The following STIMATE variants were observed in gnomAD, a reference collection of about 807,000 sequenced individuals.
The protein encoded by STIMATE is store-operated calcium entry regulator STIMATE.
A neutral mutation model predicts 36.7 loss-of-function variants in STIMATE; 15 were observed. That is an observed-to-expected ratio of 0.41 (90% confidence interval 0.27 to 0.63). The LOEUF is 0.63. Ranked by LOEUF, STIMATE falls within the 20% of genes least tolerant of loss-of-function variation. The pLI is 0.32. For missense variants in STIMATE, 305 were observed against 397.3 expected, an observed-to-expected ratio of 0.77 and a Z score of 1.98; for synonymous variants, 163 against 162.3, an observed-to-expected ratio of 1.00 and a Z score of -0.03.
intron 1 of STIMATE, among the ~76,000 whole-genome samples, chr3:52,889,412 T>C (rs1387565617): frequency 6.6e-6 from 1 of 152,180 alleles, no homozygotes; most frequent in East Asian, 1.9e-4. Context: ...CTGTGTGGAC[T>C]ATGGCAGACA....
intron 1 of STIMATE, among the ~76,000 whole-genome samples, chr3:52,865,764 GTC>G (rs1184690340): frequency 6.6e-6 from 1 of 152,180 alleles, no homozygotes; most frequent in Non-Finnish European, 1.5e-5. Flanking sequence ...TCAGTGAAAA[GTC>G]TCCCTTCTGG....
chr3:52,859,410 T>C (rs7612624), intron 1 of STIMATE, among the ~76,000 whole-genome samples: 75,012 of 140,140 alleles, frequency 0.54, 20,577 homozygotes, highest in Middle Eastern at 0.65. Flanking sequence ...CTCAAACCTG[T>C]AATCCCAGCA....
At chr3:52,847,117 C>T in intron 4 of STIMATE, 1 of 669,724 alleles carries the variant, frequency 1.5e-6, no homozygotes, top group Non-Finnish European at 1.8e-6. Flanking sequence ...GCTTTGTTTC[C>T]AAGGCTGGTC....
intron 1 of STIMATE, among the ~76,000 whole-genome samples, chr3:52,859,274 T>C (rs1222724980): frequency 2.0e-5 from 3 of 150,898 alleles, no homozygotes; most frequent in Admixed American, 1.3e-4. Flanking sequence ...TCTAGAATAA[T>C]ATGCCTACCA....
intron 1 of STIMATE, among the ~76,000 whole-genome samples, chr3:52,885,552 T>C (rs1470238557): frequency 6.6e-6 from 1 of 152,218 alleles, no homozygotes; most frequent in Non-Finnish European, 1.5e-5. Context: ...CTGGACGTAG[T>C]TCCACTTACA....
chr3:52,870,934 A>C (rs1399698490), intron 1 of STIMATE, among the ~76,000 whole-genome samples: 2 of 151,996 alleles, frequency 1.3e-5, no homozygotes, highest in East Asian at 3.9e-4. Flanking sequence ...AGGAGCCTCC[A>C]GCACCTTCTC....
Position 52,843,368 on chromosome 3 carries a change from C to T in STIMATE, c.618+353G>A, listed in dbSNP as rs146916660. On this transcript the variant is annotated intron_variant, in intron 6 of 7. Transcript: ENST00000355083. The stretch of plus-strand genomic sequence containing the variant: ...TTTCTTAACTTCGAGCCATTGTGCT[C>T]GGGAGTTTCTCAAGATCCGTGGTCA... 4.1e-3 allele frequency among the ~76,000 whole-genome samples: 622 copies of T among 152,180 alleles called. 3 individuals are homozygous for T. The highest frequency in any genetic ancestry group is 0.014 in the African/African-American group (587 of 41,498).
intron 1 of STIMATE, among the ~76,000 whole-genome samples, chr3:52,867,980 A>T (rs1701339506): frequency 6.6e-6 from 1 of 152,130 alleles, no homozygotes; most frequent in Non-Finnish European, 1.5e-5. Context: ...ACAATTCTTG[A>T]CCAGGTCTCC....
At position 52,842,810 on chromosome 3, in the gene STIMATE, C is replaced by A; in HGVS notation, c.768+1G>T. On this transcript the variant is annotated splice_donor_variant, in intron 7 of 7. Coordinates refer to ENST00000355083, the MANE Select transcript of STIMATE (RefSeq NM_198563.5). LOFTEE classifies it high-confidence loss of function. Reference sequence around the variant, plus strand: ...CCCTTGGAGAGTCAGGGAGGCCCTACCTCAGACTCAGACTCCTCGTGGGAT... The same window carrying A: ...CCCTTGGAGAGTCAGGGAGGCCCTAACTCAGACTCAGACTCCTCGTGGGAT... 6.2e-7 allele frequency: 1 copy of A among 1,614,214 alleles called. No individual in the cohort carries two copies. Among genetic ancestry groups the A allele is most frequent in the Non-Finnish European group, 8.5e-7 (1 of 1,180,038 alleles).
At chr3:52,859,603 G>A (rs1423392307) in intron 1 of STIMATE, among the ~76,000 whole-genome samples, 9 of 135,694 alleles carry the variant, frequency 6.6e-5, no homozygotes, top group Non-Finnish European at 1.2e-4. Context: ...GGGAGACTGA[G>A]GCGGGAAGGG....
chr3:52,880,279 G>T (rs546296854), intron 1 of STIMATE, among the ~76,000 whole-genome samples: 2 of 152,232 alleles, frequency 1.3e-5, no homozygotes, highest in Non-Finnish European at 2.9e-5. Flanking sequence ...CCACCTGCAG[G>T]AGACTTAGCT....
At chr3:52,875,830 C>T (rs941598278) in intron 1 of STIMATE, among the ~76,000 whole-genome samples, 2 of 152,210 alleles carry the variant, frequency 1.3e-5, no homozygotes, top group African/African-American at 4.8e-5. Flanking sequence ...AATGCCATTC[C>T]CCAGCAGGGG....
chr3:52,883,160 C>T (rs1159707767), intron 1 of STIMATE, among the ~76,000 whole-genome samples: 3 of 152,182 alleles, frequency 2.0e-5, no homozygotes, highest in African/African-American at 7.2e-5. Context: ...GATCAAAGCG[C>T]TTTCATCCAG....
intron 1 of STIMATE, among the ~76,000 whole-genome samples, chr3:52,881,558 C>T (rs1024819599): frequency 1.6e-4 from 25 of 152,174 alleles, no homozygotes; most frequent in African/African-American, 5.5e-4. Context: ...CAGAAATTAG[C>T]TGGGCGTGGT....
At chr3:52,887,766 T>C (rs1380363857) in intron 1 of STIMATE, among the ~76,000 whole-genome samples, 1 of 152,142 alleles carries the variant, frequency 6.6e-6, no homozygotes. Context: ...CACTATAAAA[T>C]GGCTGCATCC....
chr3:52,882,125 C>G (rs1262782976), intron 1 of STIMATE, among the ~76,000 whole-genome samples: 1 of 152,226 alleles, frequency 6.6e-6, no homozygotes, highest in Non-Finnish European at 1.5e-5. Context: ...GGATGTGCTT[C>G]TCAGAAGGCT....
At position 52,897,467 on chromosome 3, in the gene STIMATE, G is replaced by T. The variant is rs1003932238; in HGVS notation, c.-17C>A. The T allele has an allele frequency of 7.8e-7, 1 of 1,286,800 alleles. No individual in the cohort carries two copies. The highest frequency in any genetic ancestry group is 1.6e-5 in the African/African-American group (1 of 64,032). The allele number at this position is 1,286,800 out of a possible 1,614,324, so 79.7% of individuals were successfully genotyped here. On this transcript the variant is annotated 5_prime_UTR_variant, in exon 1 of 8. Coordinates refer to ENST00000355083, the MANE Select transcript of STIMATE (RefSeq NM_198563.5). The stretch of plus-strand genomic sequence containing the variant: ...GCCCTGCATGACAGGCCTCGCGGGA[G>T]GGGCGCGAGGGCCCAGGGCCCGCCC...
chr3:52,888,331 C>T (rs1029754103), intron 1 of STIMATE, among the ~76,000 whole-genome samples: 1 of 152,168 alleles, frequency 6.6e-6, no homozygotes, highest in African/African-American at 2.4e-5. Flanking sequence ...TCTGAGCAAG[C>T]CTCCCCGACA....
intron 1 of STIMATE, among the ~76,000 whole-genome samples, chr3:52,883,442 T>C (rs1010194821): frequency 6.6e-6 from 1 of 152,246 alleles, no homozygotes; most frequent in Non-Finnish European, 1.5e-5. Flanking sequence ...GTGTTTATCT[T>C]GCCTGGGGTT....
Sources: allele counts gnomAD v4.1 joint callset (sites outside exome capture counted in the v4.1 genomes callset), GRCh38; gene constraint gnomAD v4.1.1; transcripts MANE v1.5; gene names NCBI Gene and HGNC (gene_info 2026-07-23, HGNC 2026-07-21).